The following CEP104 variants were observed in gnomAD, a reference collection of about 807,000 sequenced individuals.
CEP104 encodes centrosomal protein 104.
In CEP104, 84 loss-of-function variants were observed where a neutral mutation model predicts 113.3. That is an observed-to-expected ratio of 0.74 (90% confidence interval 0.62 to 0.89). The LOEUF (loss-of-function observed/expected upper bound fraction) is 0.89, where lower values mean the gene tolerates loss of function less well. Among genes scored for constraint, CEP104 ranks in the 40% least tolerant of loss-of-function variants. CEP104 has a pLI of 0.00. For synonymous variants in CEP104, 378 were observed against 421.7 expected, an observed-to-expected ratio of 0.90 and a Z score of 1.27; for missense variants, 1,053 against 1,156.6, an observed-to-expected ratio of 0.91 and a Z score of 1.30.
intron 21 of CEP104, among the ~76,000 whole-genome samples, chr1:3,815,749 C>T (rs1032988974): frequency 1.3e-5 from 2 of 151,610 alleles, no homozygotes; most frequent in African/African-American, 2.4e-5. Flanking sequence ...AGGGCAGTGG[C>T]GCAATATTGG....
chr1:3,849,833 T>TA (rs57661870), intron 2 of CEP104, among the ~76,000 whole-genome samples: 30,757 of 146,338 alleles, frequency 0.21, 3,411 homozygotes, highest in Non-Finnish European at 0.25. Context: ...AAATCTTTAT[T>TA]AAAAAAAAAA....
At chr1:3,821,958 A>G (rs1245119169) in intron 20 of CEP104, among the ~76,000 whole-genome samples, 1 of 152,208 alleles carries the variant, frequency 6.6e-6, no homozygotes, top group Admixed American at 6.5e-5. Context: ...AATGTGACTG[A>G]CGTCTGGAAG....
chr1:3,852,703 A>T (rs1476816273), intron 1 of CEP104, among the ~76,000 whole-genome samples: 2 of 152,174 alleles, frequency 1.3e-5, no homozygotes, highest in Admixed American at 1.3e-4. Flanking sequence ...GGATACGCTG[A>T]AGTTCCACGT....
At chr1:3,846,506 T>A (rs1644510568) in intron 4 of CEP104, among the ~76,000 whole-genome samples, 2 of 152,114 alleles carry the variant, frequency 1.3e-5, no homozygotes, top group Admixed American at 6.6e-5. Context: ...CATGACGAGA[T>A]TATCTGAACA....
chr1:3,826,576 G>GC, intron 16 of CEP104, 132 bp downstream of exon 16: 1 of 1,285,296 alleles, frequency 7.8e-7, no homozygotes, highest in Non-Finnish European at 1.1e-6. Flanking sequence ...GATGGCTGAG[G>GC]TGCAGCAGGC....
chr1:3,833,722 A>G (rs894471049), intron 12 of CEP104, 140 bp downstream of exon 12: 3 of 756,208 alleles, frequency 4.0e-6, no homozygotes, highest in Non-Finnish European at 6.1e-6. Context: ...TTTAGAGCAT[A>G]AGGAAAGTGT....
At chr1:3,834,548 C>A (rs976775867) in intron 11 of CEP104, among the ~76,000 whole-genome samples, 8 of 152,188 alleles carry the variant, frequency 5.3e-5, no homozygotes, top group Non-Finnish European at 1.2e-4. Context: ...TTCTTAAGGC[C>A]CATTCAGCAT....
chr1:3,855,174 A>ATTTT (rs35424750), intron 1 of CEP104, among the ~76,000 whole-genome samples: 1 of 121,274 alleles, frequency 8.2e-6, no homozygotes, highest in African/African-American at 3.4e-5. Flanking sequence ...CCCAGCCCCG[A>ATTTT]TTTTTTTTTT....
rs574165131 is a variant in CEP104 at position 3,823,828 on chromosome 1, G to A, written c.2365-266C>T. 7.9e-5 allele frequency among the ~76,000 whole-genome samples: 12 copies of A among 152,280 alleles called. No homozygotes were observed. The highest frequency in any genetic ancestry group is 2.1e-4 in the South Asian group (1 of 4,822). On this transcript the variant is annotated intron_variant, in intron 18 of 21. Coordinates refer to ENST00000378230, the MANE Select transcript of CEP104 (RefSeq NM_014704.4). This position sits in a 1 kb window ranked among gnomAD's most constrained non-coding sequence, Gnocchi z 4.1. ...TGTCAAGGATGGGGAAGCTACGGTCGGCCTGAGTGTGAAGCTTGGATGAGG... is the reference window on the plus strand; with the variant it reads ...TGTCAAGGATGGGGAAGCTACGGTCAGCCTGAGTGTGAAGCTTGGATGAGG...
At chr1:3,836,398 T>C (rs1392553422) in intron 10 of CEP104, 97 bp downstream of exon 10, 4 of 1,290,046 alleles carry the variant, frequency 3.1e-6, no homozygotes, top group Non-Finnish European at 3.2e-6. Context: ...CCGTGGGCGT[T>C]TTCCCTCCTT....
chr1:3,828,476 A>G (rs866585986), intron 15 of CEP104, among the ~76,000 whole-genome samples: 1 of 152,116 alleles, frequency 6.6e-6, no homozygotes, highest in African/African-American at 2.4e-5. Flanking sequence ...GCCACATTTG[A>G]TCTTTTTTCC....
In CEP104 at chr1:3,837,525, G is replaced by A. The variant is rs1644338614; in HGVS notation, c.892-6C>T. Reference sequence around the variant, plus strand: ...AAATCAAAAGGTCTTCGCATCTAGAGAACAAAAAGGAACATTTAATTTCAA... The same window carrying A: ...AAATCAAAAGGTCTTCGCATCTAGAAAACAAAAAGGAACATTTAATTTCAA... On this transcript the variant is annotated splice_region_variant and splice_polypyrimidine_tract_variant and intron_variant, in intron 8 of 21. Coordinates refer to ENST00000378230, the MANE Select transcript of CEP104 (RefSeq NM_014704.4). 6.2e-7 allele frequency: 1 copy of A among 1,609,748 alleles called. No individual in the cohort carries two copies. The highest frequency in any genetic ancestry group is 8.5e-7 in the Non-Finnish European group (1 of 1,176,636).
chr1:3,825,886 G>A lies in CEP104; in HGVS notation c.2256-20C>T. ...CACAAACTGAAAGCAAAGCAAAGCA[G>A]GAAATAAAGGTAAGGATCTAGTTCC... On this transcript the variant is annotated intron_variant, in intron 17 of 21. Coordinates refer to ENST00000378230, the MANE Select transcript of CEP104 (RefSeq NM_014704.4). The A allele has an allele frequency of 6.5e-7, 1 of 1,540,218 alleles. No homozygotes were observed. Among genetic ancestry groups the A allele is most frequent in the Non-Finnish European group, 9.0e-7 (1 of 1,112,604 alleles).
In CEP104 at chr1:3,812,879, AAAC is replaced by A. The variant is rs1211033936; in HGVS notation, c.*2520_*2522del. The A allele has an allele frequency of 2.0e-5, 3 of 152,020 alleles. No homozygotes were observed. Among genetic ancestry groups the A allele is most frequent in the African/African-American group, 7.3e-5 (3 of 41,372 alleles). 9.4% of individuals were successfully genotyped at this position (152,020 alleles called of 1,614,324 possible). A position where few individuals can be genotyped will look rare whatever the true frequency, so the allele number is the denominator to read the frequency against. Reference sequence around the variant, plus strand: ...CCGCAAAACAAAAACAAAAACAAAAAAACAACAAAAAAACCCCCTGTAACTAAC... The same window carrying A: ...CCGCAAAACAAAAACAAAAACAAAAAAACAAAAAAACCCCCTGTAACTAAC... On this transcript the variant is annotated 3_prime_UTR_variant, in exon 22 of 22. Coordinates refer to ENST00000378230, the MANE Select transcript of CEP104 (RefSeq NM_014704.4).
At chr1:3,816,707 G>A (rs1476247390) in intron 20 of CEP104, among the ~76,000 whole-genome samples, 4 of 152,270 alleles carry the variant, frequency 2.6e-5, no homozygotes, top group East Asian at 3.8e-4. Context: ...GAGCGCCCGC[G>A]TGATTACGTT....
At chr1:3,818,522 C>T (rs1055982402) in intron 20 of CEP104, among the ~76,000 whole-genome samples, 6 of 152,164 alleles carry the variant, frequency 3.9e-5, no homozygotes, top group Non-Finnish European at 5.9e-5. Flanking sequence ...TGCTACTACC[C>T]GACCTCTCTG....
At chr1:3,844,292 A>T (rs896901430) in intron 6 of CEP104, among the ~76,000 whole-genome samples, 3 of 152,202 alleles carry the variant, frequency 2.0e-5, no homozygotes, top group Non-Finnish European at 4.4e-5. Flanking sequence ...CAAGAAAGGA[A>T]GTAGTCTCTG....
At position 3,815,503 on chromosome 1, in the gene CEP104, C is replaced by T. The variant is rs777590113; in HGVS notation, c.2677G>A (p.Val893Met). The T allele has an allele frequency of 6.2e-7, 1 of 1,602,910 alleles. No individual in the cohort carries two copies. Among genetic ancestry groups the T allele is most frequent in the Non-Finnish European group, 8.5e-7 (1 of 1,174,774 alleles). The change falls in exon 22 of 22, where the codon GTG (valine) becomes ATG (methionine). Residue 893 changes from valine to methionine, a missense_variant. Transcript: ENST00000378230. ...PALQPGKSSA[V>M]AASGPLGSKA... ...GACCCCAAGGGGCCTGATGCGGCCA[C>T]AGCTGAGCTTTTCCCTGCAGAGCAA...
intron 16 of CEP104, 34 bp from the exon 17 acceptor site, chr1:3,826,470 A>G (rs758118068): frequency 1.3e-5 from 21 of 1,577,178 alleles, no homozygotes; most frequent in Non-Finnish European, 1.8e-5. Flanking sequence ...ATAACTTTTT[A>G]TAGAAATTAT....
Sources: allele counts gnomAD v4.1 joint callset (sites outside exome capture counted in the v4.1 genomes callset), GRCh38; gene constraint gnomAD v4.1.1; non-coding constraint Gnocchi (gnomAD v3.1); transcripts MANE v1.5; gene names NCBI Gene and HGNC (gene_info 2026-07-23, HGNC 2026-07-21).